PNLIPRP3: variants seen among roughly 807,000 people sequenced by gnomAD.
PNLIPRP3 encodes the protein pancreatic lipase-related protein 3.
In PNLIPRP3, 58 loss-of-function variants were observed where a neutral mutation model predicts 52.8. That is an observed-to-expected ratio of 1.10 (90% CI 0.89 to 1.37). The LOEUF is 1.37. Among genes scored for constraint, PNLIPRP3 ranks in the 40% most tolerant of loss-of-function variants. PNLIPRP3 has a pLI of 0.00. For missense variants in PNLIPRP3, 593 were observed against 561.6 expected (o/e 1.06, Z -0.57); for synonymous variants, 192 against 185.0 (o/e 1.04, Z -0.31).
chr10:116,429,506 A>G (rs552115698), intron 1 of PNLIPRP3, among the ~76,000 whole-genome samples: 3 of 152,322 alleles, frequency 2.0e-5, no homozygotes, highest in Admixed American at 1.3e-4. Context: ...GTTGTGTAAC[A>G]TCTTGGCGCT....
chr10:116,433,922 T>C (rs975529601), intron 1 of PNLIPRP3, among the ~76,000 whole-genome samples: 1 of 152,212 alleles, frequency 6.6e-6, no homozygotes. Flanking sequence ...TAAAGTAACC[T>C]AGCAAAAGCT....
At chr10:116,443,288 C>T in intron 3 of PNLIPRP3, 114 bp downstream of exon 3, 1 of 1,144,748 alleles carries the variant, frequency 8.7e-7, no homozygotes, top group South Asian at 2.4e-5. Flanking sequence ...CAGTTATCCA[C>T]AATTATCCGT....
chr10:116,431,730 T>C (rs569909312), intron 1 of PNLIPRP3, among the ~76,000 whole-genome samples: 3 of 152,226 alleles, frequency 2.0e-5, no homozygotes, highest in African/African-American at 7.2e-5. Flanking sequence ...GATTTTTAGA[T>C]TTTGAAATTG....
intron 4 of PNLIPRP3, among the ~76,000 whole-genome samples, chr10:116,444,970 A>G (rs187219192): frequency 6.6e-6 from 1 of 152,346 alleles, no homozygotes; most frequent in East Asian, 1.9e-4. Context: ...CATATTCTCT[A>G]AAGGAATTAA....
At chr10:116,465,549 C>CA (rs1444130627) in intron 7 of PNLIPRP3, among the ~76,000 whole-genome samples, 5 of 151,664 alleles carry the variant, frequency 3.3e-5, no homozygotes, top group East Asian at 3.9e-4. Context: ...AAAAACAAAA[C>CA]AAACAAACAA....
At chr10:116,471,998 G>A (rs1846381434) in intron 10 of PNLIPRP3, 119 bp downstream of exon 10, 1 of 564,512 alleles carries the variant, frequency 1.8e-6, no homozygotes, top group South Asian at 3.2e-5. Context: ...GGCTACCATG[G>A]TATCTTTGAT....
chr10:116,468,448 C>T (rs1002831133), intron 8 of PNLIPRP3, among the ~76,000 whole-genome samples: 2 of 152,150 alleles, frequency 1.3e-5, no homozygotes, highest in Non-Finnish European at 2.9e-5. Context: ...ATAAGCTTTA[C>T]CTCCTTGTCC....
At chr10:116,441,887 TAGAC>T (rs1845863760) in intron 2 of PNLIPRP3, among the ~76,000 whole-genome samples, 1 of 152,260 alleles carries the variant, frequency 6.6e-6, no homozygotes, top group Admixed American at 6.5e-5. Context: ...GCCTGGCAAA[TAGAC>T]AGATAGGAGT....
chr10:116,461,356 T>C (rs2133144967), intron 7 of PNLIPRP3, 66 bp downstream of exon 7: 1 of 1,537,820 alleles, frequency 6.5e-7, no homozygotes, highest in African/African-American at 1.4e-5. Context: ...TTAGATGGGA[T>C]CCACCTACTT....
Position 116,436,845 on chromosome 10 carries a change from C to T in PNLIPRP3, c.184C>T (p.His62Tyr), listed in dbSNP as rs1589975500. The change falls in exon 2 of 12, where the codon CAC becomes TAC. Residue 62 changes from histidine to tyrosine, a missense_variant. By Grantham distance (83) the His-to-Tyr change is moderately conservative. Transcript: ENST00000369230. ...INTRFLLYTI[H>Y]NPNAYQEISA... ...CACTCGTTTCCTGCTCTACACTATA[C>T]ACAATCCCAATGCCTATCAGGTAAG... 1 of 1,604,790 alleles carries T rather than the reference C, an allele frequency of 6.2e-7. No homozygotes were observed. The highest frequency in any genetic ancestry group is 8.5e-7 in the Non-Finnish European group (1 of 1,174,726).
chr10:116,451,156 A>G (rs1047644125), intron 4 of PNLIPRP3, among the ~76,000 whole-genome samples: 8 of 152,228 alleles, frequency 5.3e-5, no homozygotes, highest in African/African-American at 1.9e-4. Context: ...AAGGGTGCCA[A>G]GAATACACAA....
At chr10:116,451,748 T>A (rs1345036481) in intron 4 of PNLIPRP3, among the ~76,000 whole-genome samples, 2 of 152,220 alleles carry the variant, frequency 1.3e-5, no homozygotes, top group Non-Finnish European at 2.9e-5. Flanking sequence ...GCTTTATGTA[T>A]AGCCTACAGA....
At chr10:116,459,146 A>G (rs2133141704) in intron 5 of PNLIPRP3, among the ~76,000 whole-genome samples, 1 of 151,840 alleles carries the variant, frequency 6.6e-6, no homozygotes, top group African/African-American at 2.4e-5. Context: ...CCCTCTCTCC[A>G]GGCTACTTCA....
At chr10:116,452,918 G>C (rs1247110263) in intron 4 of PNLIPRP3, among the ~76,000 whole-genome samples, 1 of 152,222 alleles carries the variant, frequency 6.6e-6, no homozygotes. Context: ...CCCACACAGA[G>C]TCCCCACTGG....
At chr10:116,438,170 C>T (rs1220701087) in intron 2 of PNLIPRP3, among the ~76,000 whole-genome samples, 1 of 152,146 alleles carries the variant, frequency 6.6e-6, no homozygotes, top group Non-Finnish European at 1.5e-5. Context: ...AACAGCGAAG[C>T]AGGCAGCCCA....
At chr10:116,451,049 T>C (rs4751966) in intron 4 of PNLIPRP3, among the ~76,000 whole-genome samples, 134,662 of 152,114 alleles carry the variant, frequency 0.89, 60,601 homozygotes, top group Non-Finnish European at 0.97. Flanking sequence ...AAATTTATTA[T>C]GAAAGTACAG....
At chr10:116,453,237 T>C (rs945075317) in intron 4 of PNLIPRP3, among the ~76,000 whole-genome samples, 17 of 152,182 alleles carry the variant, frequency 1.1e-4, no homozygotes, top group African/African-American at 4.1e-4. Flanking sequence ...CAATTTCTCT[T>C]TTTTGGAATT....
At chr10:116,458,679 C>T (rs1266785627) in intron 5 of PNLIPRP3, among the ~76,000 whole-genome samples, 1 of 152,170 alleles carries the variant, frequency 6.6e-6, no homozygotes, top group African/African-American at 2.4e-5. Context: ...TGCATTACTT[C>T]ATTGATCTCT....
chr10:116,439,754 C>T, intron 2 of PNLIPRP3: 1 of 769,790 alleles, frequency 1.3e-6, no homozygotes. Flanking sequence ...AGGAAGAATC[C>T]AGACGGTGGC....
Sources: gnomAD v4.1 joint callset for allele counts (sites outside exome capture counted in the v4.1 genomes callset) on GRCh38, gnomAD v4.1.1 for gene constraint, MANE v1.5 for transcripts, NCBI Gene and HGNC (gene_info 2026-07-23, HGNC 2026-07-21) for gene names.